The following CA10 variants were observed in gnomAD, a reference collection of about 807,000 sequenced individuals.
CA10 encodes carbonic anhydrase-related protein 10.
In CA10, 14 loss-of-function variants were observed where a neutral mutation model predicts 44.2. The ratio of observed to expected loss-of-function variants is 0.32; its 90% CI spans 0.21 to 0.50. The LOEUF is 0.50. Among genes scored for constraint, CA10 ranks in the 20% least tolerant of loss-of-function variants. The pLI is 0.99. For missense variants in CA10, 350 were observed against 409.7 expected (o/e 0.85, Z 1.26); for synonymous variants, 159 against 141.6 (o/e 1.12, Z -0.87).
At chr17:51,802,534 G>T (rs1906970823) in intron 3 of CA10, among the ~76,000 whole-genome samples, 1 of 139,834 alleles carries the variant, frequency 7.2e-6, no homozygotes, top group Admixed American at 7.4e-5. Context: ...TACTCTGCAG[G>T]CTCTGCTTGG....
chr17:51,701,469 C>T (rs1057004683), intron 4 of CA10, among the ~76,000 whole-genome samples: 1 of 151,090 alleles, frequency 6.6e-6, no homozygotes, highest in African/African-American at 2.5e-5. Context: ...CAACCCATAA[C>T]ACTCTCATTT....
chr17:52,015,617 C>G (rs1249586169), intron 2 of CA10, among the ~76,000 whole-genome samples: 1 of 152,112 alleles, frequency 6.6e-6, no homozygotes, highest in Admixed American at 6.6e-5. Flanking sequence ...CCACAGGTCT[C>G]CAGCTATTTC....
intron 2 of CA10, among the ~76,000 whole-genome samples, chr17:51,934,318 A>G (rs1435117987): frequency 6.6e-6 from 1 of 152,078 alleles, no homozygotes; most frequent in Non-Finnish European, 1.5e-5. Context: ...GGACAGAGTA[A>G]AGAACATTAC....
chr17:52,042,448 G>C (rs971922254), intron 2 of CA10, among the ~76,000 whole-genome samples: 1 of 151,626 alleles, frequency 6.6e-6, no homozygotes, highest in African/African-American at 2.4e-5. Flanking sequence ...GGGTTTTTTT[G>C]TTTGGGTTGG....
At chr17:51,885,374 T>G (rs977618317) in intron 3 of CA10, among the ~76,000 whole-genome samples, 3 of 152,162 alleles carry the variant, frequency 2.0e-5, no homozygotes, top group African/African-American at 4.8e-5. Flanking sequence ...ACCCTTAGCT[T>G]TCATCACTTC....
chr17:52,005,509 C>A (rs1985567884), intron 2 of CA10, among the ~76,000 whole-genome samples: 1 of 151,848 alleles, frequency 6.6e-6, no homozygotes, highest in Admixed American at 6.6e-5. Flanking sequence ...ACTCATCACA[C>A]AATATGACTC....
intron 1 of CA10, among the ~76,000 whole-genome samples, chr17:52,117,929 A>C (rs1377842167): frequency 6.6e-6 from 1 of 152,234 alleles, no homozygotes; most frequent in East Asian, 1.9e-4. Context: ...CTGTGTTTGC[A>C]CATTGACAAA....
chr17:51,938,649 C>T (rs567968578), intron 2 of CA10, among the ~76,000 whole-genome samples: 4 of 152,154 alleles, frequency 2.6e-5, no homozygotes, highest in East Asian at 3.9e-4. Context: ...GCAGCAGCTT[C>T]GTCCTTCTTC....
At chr17:52,088,286 T>G (rs924743003) in intron 1 of CA10, among the ~76,000 whole-genome samples, 1 of 152,224 alleles carries the variant, frequency 6.6e-6, no homozygotes, top group Non-Finnish European at 1.5e-5. Flanking sequence ...ACAGAACATC[T>G]GAATTCAGTT....
intron 3 of CA10, among the ~76,000 whole-genome samples, chr17:51,769,014 AT>A (rs1049418775): frequency 2.6e-5 from 4 of 152,070 alleles, no homozygotes; most frequent in Admixed American, 6.6e-5. Flanking sequence ...ATGTGCATGT[AT>A]TTTTTTTAAT....
chr17:51,826,037 A>T (rs561675070), intron 3 of CA10, among the ~76,000 whole-genome samples: 45 of 152,354 alleles, frequency 3.0e-4, no homozygotes, highest in Non-Finnish European at 5.0e-4. Flanking sequence ...CAAAATAGCA[A>T]TGGTAATAAC....
chr17:51,761,142 C>T (rs1164328443), intron 3 of CA10: 1 of 152,164 alleles, frequency 6.6e-6, no homozygotes, highest in Non-Finnish European at 1.5e-5. Context: ...ATACCAGGCT[C>T]TGAGGAGGCT....
At chr17:51,862,555 C>T (rs1979358733) in intron 3 of CA10, among the ~76,000 whole-genome samples, 1 of 151,950 alleles carries the variant, frequency 6.6e-6, no homozygotes. Context: ...AAAGGAAATA[C>T]AGTGCCATAA....
rs575038905 is a variant in CA10 at position 51,747,882 on chromosome 17, C to G, written c.280-64G>C. ...TTCTTCTATGCCTCCCCAAACCCAG[C>G]ATGGTGCTTGGATCAACACCTTTTG... On this transcript the variant is annotated intron_variant, in intron 3 of 8. Coordinates refer to ENST00000451037, the MANE Select transcript of CA10 (RefSeq NM_020178.5). 60 of 1,296,096 alleles carry G rather than the reference C, an allele frequency of 4.6e-5. No individual in the cohort carries two copies. The African/African-American group carries it at 7.0e-4, about 15-fold the overall frequency. The allele number at this position is 1,296,096 out of a possible 1,614,324, so 80.3% of individuals were successfully genotyped here.
rs570721327 is a variant in CA10, at chr17:52,134,781, A to T, written c.61+22945T>A. The T allele has an allele frequency of 6.0e-4, 295 of 492,084 alleles. 4 individuals carry two copies. Among genetic ancestry groups the T allele is most frequent in the South Asian group, 1.8e-3 (124 of 67,864 alleles). 30.5% of individuals were successfully genotyped at this position (492,084 alleles called of 1,614,324 possible). A position where few individuals can be genotyped will look rare whatever the true frequency, so the allele number is the denominator to read the frequency against. On this transcript the variant is annotated intron_variant, in intron 1 of 8. Coordinates refer to ENST00000451037, the MANE Select transcript of CA10 (RefSeq NM_020178.5). ...ACTCAAAGCAGAGCTCAGGTTATGC[A>T]TGACAGCTGCCTCTTCCACTGTGCC...
intron 2 of CA10, among the ~76,000 whole-genome samples, chr17:51,970,731 TTG>T (rs1222977415): frequency 1.3e-5 from 2 of 152,116 alleles, no homozygotes; most frequent in African/African-American, 2.4e-5. Context: ...CCTGAAAATA[TTG>T]TGTTTTGTTT....
At chr17:52,005,884 G>A (rs1175576135) in intron 2 of CA10, among the ~76,000 whole-genome samples, 1 of 151,822 alleles carries the variant, frequency 6.6e-6, no homozygotes, top group Admixed American at 6.6e-5. Context: ...GGAGAAGAGT[G>A]ACACTTGAAG....
chr17:52,069,989 G>T (rs1987637711), intron 2 of CA10, among the ~76,000 whole-genome samples: 1 of 152,034 alleles, frequency 6.6e-6, no homozygotes, highest in Non-Finnish European at 1.5e-5. Context: ...AGAGGTAAGG[G>T]GTCCATTGTT....
At chr17:51,666,938 C>G (rs1034607144) in intron 4 of CA10, among the ~76,000 whole-genome samples, 1 of 152,108 alleles carries the variant, frequency 6.6e-6, no homozygotes, top group Non-Finnish European at 1.5e-5. Flanking sequence ...TTCCAAGAAA[C>G]AAGACACATT....
Sources: allele counts gnomAD v4.1 joint callset (sites outside exome capture counted in the v4.1 genomes callset), GRCh38; gene constraint gnomAD v4.1.1; transcripts MANE v1.5; gene names NCBI Gene and HGNC (gene_info 2026-07-23, HGNC 2026-07-21).